FHIP1A: variants seen among roughly 807,000 people sequenced by gnomAD.
FHIP1A encodes the protein FHF complex subunit HOOK-interacting protein 1A.
A neutral mutation model predicts 88.6 loss-of-function variants in FHIP1A; 61 were observed. That is an observed-to-expected ratio of 0.69 (90% CI 0.56 to 0.85). FHIP1A has a LOEUF of 0.85. Ranked by LOEUF, FHIP1A falls within the 40% of genes least tolerant of loss-of-function variation. The probability of loss-of-function intolerance (pLI) is 0.00; values close to 1 mark genes in which losing one functional copy is unlikely to be tolerated. For missense variants in FHIP1A, 1,154 were observed against 1,273.5 expected (o/e 0.91, Z 1.43); for synonymous variants, 478 against 496.0 (o/e 0.96, Z 0.48).
intron 3 of FHIP1A, among the ~76,000 whole-genome samples, chr4:151,534,136 A>G (rs532866397): frequency 3.9e-5 from 6 of 152,356 alleles, no homozygotes; most frequent in South Asian, 2.1e-4. Flanking sequence ...ACCAAAAGAC[A>G]AAATAGTGTT....
intron 13 of FHIP1A, 149 bp downstream of exon 13, chr4:151,657,047 C>T (rs543890367): frequency 7.3e-5 from 60 of 826,440 alleles, no homozygotes; most frequent in Non-Finnish European, 1.1e-4. Flanking sequence ...GAGGAACCAC[C>T]TCTTAGCATT....
chr4:151,649,975 A>G lies in FHIP1A; in HGVS notation c.1934A>G (p.Tyr645Cys). Residue 645 changes from tyrosine (Y) to cysteine (C), a missense_variant, in exon 11 of 14, where the codon TAC (tyrosine) becomes TGC (cysteine). Transcript: ENST00000435205. The part of the protein sequence containing the change: ...ESDFQDDVMV[Y>C]RLCAEKDSED... ...GACTTTCAGGATGATGTGATGGTGT[A>G]CAGGCTGTGTGCTGAGAAGGACTCC... The G allele has an allele frequency of 6.4e-7, 1 of 1,551,616 alleles. No individual in the cohort carries two copies. Among genetic ancestry groups the G allele is most frequent in the Non-Finnish European group, 8.7e-7 (1 of 1,146,982 alleles).
At chr4:151,636,386 A>G (rs1736352873) in intron 8 of FHIP1A, among the ~76,000 whole-genome samples, 2 of 152,002 alleles carry the variant, frequency 1.3e-5, no homozygotes, top group Admixed American at 1.3e-4. Flanking sequence ...CCTCAATTCT[A>G]TTCAAGATGG....
chr4:151,424,807 TAAA>T (rs10714490), intron 1 of FHIP1A, among the ~76,000 whole-genome samples: 221 of 142,720 alleles, frequency 1.5e-3, no homozygotes, highest in African/African-American at 5.1e-3. Context: ...ATCTTTCCTG[TAAA>T]AAAAAAAAAA....
At chr4:151,581,037 T>C (rs1734005198) in intron 5 of FHIP1A, among the ~76,000 whole-genome samples, 1 of 152,180 alleles carries the variant, frequency 6.6e-6, no homozygotes, top group African/African-American at 2.4e-5. Context: ...TTTTGTATTT[T>C]TAGTAGAGAC....
At chr4:151,449,085 A>T (rs1728706401) in intron 1 of FHIP1A, among the ~76,000 whole-genome samples, 1 of 152,154 alleles carries the variant, frequency 6.6e-6, no homozygotes, top group African/African-American at 2.4e-5. Context: ...TGTAAACTTG[A>T]GCAGGGATGA....
intron 3 of FHIP1A, among the ~76,000 whole-genome samples, chr4:151,552,353 G>A (rs1732770993): frequency 6.6e-6 from 1 of 152,146 alleles, no homozygotes; most frequent in African/African-American, 2.4e-5. Flanking sequence ...TATAAATCAT[G>A]CTACTATAAA....
At chr4:151,620,103 T>C (rs1196966515) in intron 7 of FHIP1A, among the ~76,000 whole-genome samples, 1 of 152,206 alleles carries the variant, frequency 6.6e-6, no homozygotes, top group Non-Finnish European at 1.5e-5. Flanking sequence ...TTTCCATTGA[T>C]GGGAAACTGG....
chr4:151,526,292 G>A (rs1458428537), intron 3 of FHIP1A, among the ~76,000 whole-genome samples: 2 of 152,232 alleles, frequency 1.3e-5, no homozygotes, highest in African/African-American at 2.4e-5. Flanking sequence ...CAGACGGGGT[G>A]GTGGCCGGGC....
intron 13 of FHIP1A, among the ~76,000 whole-genome samples, chr4:151,658,569 C>G (rs547055972): frequency 1.3e-5 from 2 of 152,086 alleles, no homozygotes; most frequent in African/African-American, 4.8e-5. Context: ...AGCTCAGACT[C>G]GGAGCTCACG....
intron 3 of FHIP1A, among the ~76,000 whole-genome samples, chr4:151,491,527 T>C (rs1255470465): frequency 6.6e-6 from 1 of 151,354 alleles, no homozygotes; most frequent in Admixed American, 6.6e-5. Context: ...TACACCAAAA[T>C]AGAACCTCCT....
chr4:151,507,935 G>A (rs891147774), intron 3 of FHIP1A, among the ~76,000 whole-genome samples: 3 of 152,192 alleles, frequency 2.0e-5, no homozygotes, highest in African/African-American at 7.2e-5. Flanking sequence ...GAGTAGTACT[G>A]AACTTAGAGT....
intron 1 of FHIP1A, among the ~76,000 whole-genome samples, chr4:151,448,884 TG>T (rs1245585604): frequency 1.3e-5 from 2 of 152,210 alleles, no homozygotes; most frequent in African/African-American, 4.8e-5. Context: ...ACTGCCATAC[TG>T]TTTTCCTTAC....
At chr4:151,616,011 C>T (rs994376151) in intron 7 of FHIP1A, among the ~76,000 whole-genome samples, 2 of 151,994 alleles carry the variant, frequency 1.3e-5, no homozygotes, top group Admixed American at 6.6e-5. Flanking sequence ...TTAGGATTGC[C>T]CGTGTGTTGC....
At chr4:151,452,960 A>ACG (rs1005724141) in intron 1 of FHIP1A, among the ~76,000 whole-genome samples, 4 of 151,200 alleles carry the variant, frequency 2.6e-5, no homozygotes, top group African/African-American at 9.8e-5. Flanking sequence ...ATACATACAC[A>ACG]CACACACACA....
rs375182034 is a variant in FHIP1A, at chr4:151,649,608, G to A, written c.1567G>A (p.Ala523Thr). The A allele has an allele frequency of 5.2e-5, 81 of 1,551,556 alleles. No homozygotes were observed. The highest frequency in any genetic ancestry group is 1.7e-4 in the Middle Eastern group (1 of 6,014). ...CATGAGGGACTGCCGTGTCTGGTCCGCCCTGTATGATGGCGACTCCCCCGA... is the reference window on the plus strand; with the variant it reads ...CATGAGGGACTGCCGTGTCTGGTCCACCCTGTATGATGGCGACTCCCCCGA... ...RCMRDCRVWSALYDGDSPDPE... is the reference protein window; with the variant it reads ...RCMRDCRVWSTLYDGDSPDPE... Residue 523 changes from alanine (A) to threonine (T), a missense_variant, in exon 11 of 14, where the codon GCC becomes ACC. By Grantham distance (58) the Ala-to-Thr change is moderately conservative (BLOSUM62 0). Coordinates refer to ENST00000435205, the MANE Select transcript of FHIP1A (RefSeq NM_001109977.3).
intron 8 of FHIP1A, among the ~76,000 whole-genome samples, chr4:151,636,073 A>G (rs1010960075): frequency 5.3e-5 from 8 of 152,106 alleles, no homozygotes; most frequent in Non-Finnish European, 5.9e-5. Flanking sequence ...CCAGTTCTCA[A>G]TAAAACACTA....
At chr4:151,641,106 T>TCCTAGACTCTCTGGG (rs1736572333) in intron 9 of FHIP1A, among the ~76,000 whole-genome samples, 1 of 152,116 alleles carries the variant, frequency 6.6e-6, no homozygotes, top group African/African-American at 2.4e-5. Flanking sequence ...GACTGCCTGG[T>TCCTAGACTCTCTGGG]CCTAGACTCT....
chr4:151,576,261 A>C (rs996989376), intron 4 of FHIP1A, among the ~76,000 whole-genome samples: 13 of 152,128 alleles, frequency 8.5e-5, no homozygotes, highest in African/African-American at 1.4e-4. Flanking sequence ...TTAAATTGTT[A>C]ATTGAGTTTT....
Sources: gnomAD v4.1 joint callset for allele counts (sites outside exome capture counted in the v4.1 genomes callset) on GRCh38, gnomAD v4.1.1 for gene constraint, MANE v1.5 for transcripts, NCBI Gene and HGNC (gene_info 2026-07-23, HGNC 2026-07-21) for gene names.